The following TBC1D32 variants were observed in gnomAD, a reference collection of about 807,000 sequenced individuals.
The protein encoded by TBC1D32 is protein broad-minded.
In TBC1D32, 151 loss-of-function variants were observed where a neutral mutation model predicts 170.3. The observed-to-expected ratio is 0.89, with a 90% CI of 0.78 to 1.01. TBC1D32 has a LOEUF of 1.01. TBC1D32 is among the 50% of genes least tolerant of loss of function. The pLI, the probability that TBC1D32 is intolerant of heterozygous loss-of-function variation, is 0.00. For synonymous variants in TBC1D32, 498 were observed against 488.0 expected (o/e 1.02, Z -0.27); for missense variants, 1,464 against 1,457.1 (o/e 1.00, Z -0.08).
intron 20 of TBC1D32, among the ~76,000 whole-genome samples, chr6:121,234,000 G>A (rs1228612154): frequency 6.6e-6 from 1 of 152,086 alleles, no homozygotes; most frequent in Non-Finnish European, 1.5e-5. Flanking sequence ...AAAAATTCTG[G>A]CTGATACTGT....
At chr6:121,325,288 A>T (rs1324755716) in intron 1 of TBC1D32, among the ~76,000 whole-genome samples, 1 of 152,104 alleles carries the variant, frequency 6.6e-6, no homozygotes, top group Non-Finnish European at 1.5e-5. Flanking sequence ...ATCAAGAATC[A>T]GAACATCTGA....
In TBC1D32 at chr6:121,279,172, T is replaced by A. The variant is rs1441489489; in HGVS notation, c.1682A>T (p.Glu561Val). The A allele has an allele frequency of 1.9e-6, 3 of 1,611,738 alleles. No individual in the cohort carries two copies. Among genetic ancestry groups the A allele is most frequent in the Non-Finnish European group, 2.5e-6 (3 of 1,178,970 alleles). ...GILARIASVE[E>V]GLILLLYGAN... is the part of the protein sequence containing the mutation. ...TCCATAAAGGAGTAAAATAAGCCCT[T>A]CTTCTACAGATGCAATTCTTGCCAA... The change falls in exon 15 of 32, where the codon GAA (glutamate) becomes GTA (valine). Residue 561 changes from glutamate to valine, a missense_variant. Physicochemically the swap from Glu to Val is moderately radical, Grantham distance 121 (BLOSUM62 -2). Around this residue, in one of 3 missense-constraint regions of TBC1D32, gnomAD observed 1,363 missense variants for 1,338.1 expected, o/e 1.02. Transcript: ENST00000398212.
At chr6:121,315,973 A>G (rs770624650) in intron 3 of TBC1D32, among the ~76,000 whole-genome samples, 3 of 152,148 alleles carry the variant, frequency 2.0e-5, no homozygotes, top group Non-Finnish European at 4.4e-5. Flanking sequence ...AAGCAAAGTC[A>G]TATTTACAGG....
chr6:121,198,246 T>TAAATATATATTA (rs1554265802), intron 22 of TBC1D32, among the ~76,000 whole-genome samples: 4 of 118,942 alleles, frequency 3.4e-5, no homozygotes, highest in African/African-American at 1.2e-4. Flanking sequence ...AATATATATA[T>TAAATATATATTA]TATATATATA....
intron 15 of TBC1D32, among the ~76,000 whole-genome samples, chr6:121,268,706 A>C (rs1800899149): frequency 6.6e-6 from 1 of 152,098 alleles, no homozygotes; most frequent in East Asian, 1.9e-4. Context: ...TATCCAGGAG[A>C]ACTTCCCCAA....
At chr6:121,288,635 C>T (rs889984542) in intron 12 of TBC1D32, among the ~76,000 whole-genome samples, 7 of 152,178 alleles carry the variant, frequency 4.6e-5, no homozygotes, top group African/African-American at 1.7e-4. Flanking sequence ...AAGAGGGAAT[C>T]CTCTCTAACT....
chr6:121,313,512 C>T (rs1484325382), intron 3 of TBC1D32, among the ~76,000 whole-genome samples: 2 of 152,014 alleles, frequency 1.3e-5, no homozygotes, highest in Admixed American at 6.6e-5. Flanking sequence ...TCTGCCCCTA[C>T]ACATTCCTCT....
intron 24 of TBC1D32, among the ~76,000 whole-genome samples, chr6:121,155,099 C>T (rs1413412308): frequency 6.6e-6 from 1 of 152,074 alleles, no homozygotes; most frequent in Non-Finnish European, 1.5e-5. Flanking sequence ...GGAAGTATGG[C>T]CATTTTAACA....
At chr6:121,134,338 C>G (rs1781783293) in intron 24 of TBC1D32, among the ~76,000 whole-genome samples, 1 of 151,972 alleles carries the variant, frequency 6.6e-6, no homozygotes, top group African/African-American at 2.4e-5. Context: ...ACTCCTCCCT[C>G]CTCTTGCTCT....
At chr6:121,256,318 TTA>T in intron 15 of TBC1D32, 33 bp from the exon 16 acceptor site, 1 of 1,555,754 alleles carries the variant, frequency 6.4e-7, no homozygotes, top group South Asian at 1.2e-5. Context: ...GATTCCAAGG[TTA>T]TATTAATCTT....
chr6:121,268,051 T>A (rs1363140715), intron 15 of TBC1D32, among the ~76,000 whole-genome samples: 1 of 152,032 alleles, frequency 6.6e-6, no homozygotes, highest in African/African-American at 2.4e-5. Context: ...GGTCCTACTG[T>A]TAGAAGGAAA....
chr6:121,189,918 T>C (rs970925109), intron 22 of TBC1D32, among the ~76,000 whole-genome samples: 3 of 152,068 alleles, frequency 2.0e-5, no homozygotes, highest in African/African-American at 7.2e-5. Context: ...TATGGAATTA[T>C]GGACAAGATA....
chr6:121,086,120 G>T lies in TBC1D32; in HGVS notation c.3654+4733C>A, dbSNP rs139284832. Reference sequence around the variant, plus strand: ...AGAAATAAGAAGAATCTAGTAGAGGGATGTAGCAACTTAATAACCGCTAAG... The same window carrying T: ...AGAAATAAGAAGAATCTAGTAGAGGTATGTAGCAACTTAATAACCGCTAAG... On this transcript the variant is annotated intron_variant, in intron 31 of 31. Transcript: ENST00000398212. Among the ~76,000 whole-genome samples the T allele has an allele frequency of 7.4e-3, 1,123 of 152,130 alleles. 11 individuals are homozygous for T. Among genetic ancestry groups the T allele is most frequent in the Middle Eastern group, 0.014 (4 of 294 alleles).
chr6:121,154,623 G>T (rs933668198), intron 24 of TBC1D32, among the ~76,000 whole-genome samples: 1 of 152,086 alleles, frequency 6.6e-6, no homozygotes, highest in East Asian at 1.9e-4. Context: ...CACCCTTCTC[G>T]ACATAGGCTT....
Position 121,256,055 on chromosome 6 carries a change from G to C in TBC1D32, c.1935+29C>G, listed in dbSNP as rs761410588. The C allele has an allele frequency of 1.9e-6, 3 of 1,574,090 alleles. No homozygotes were observed. In the East Asian group the frequency reaches 6.7e-5, roughly 35 times the overall value. On this transcript the variant is annotated intron_variant, in intron 16 of 31. Coordinates refer to ENST00000398212, the MANE Select transcript of TBC1D32 (RefSeq NM_152730.6). ...TATATTTGAAATAAAGATTTGCAGG[G>C]AGAAAAAACGAAGCTTGAAAATACT...
chr6:121,183,477 A>C (rs1788799268), intron 22 of TBC1D32, among the ~76,000 whole-genome samples: 1 of 152,058 alleles, frequency 6.6e-6, no homozygotes, highest in African/African-American at 2.4e-5. Context: ...GCATTTGTAC[A>C]CTTGAGGTGA....
At chr6:121,208,741 A>AAAAAAAAAG (rs1202641429) in intron 21 of TBC1D32, among the ~76,000 whole-genome samples, 1 of 151,014 alleles carries the variant, frequency 6.6e-6, no homozygotes, top group Non-Finnish European at 1.5e-5. Flanking sequence ...AAAAAAAAAA[A>AAAAAAAAAG]AAAAAACAGA....
chr6:121,277,176 A>C (rs2128438742), intron 15 of TBC1D32, among the ~76,000 whole-genome samples: 1 of 152,296 alleles, frequency 6.6e-6, no homozygotes, highest in Non-Finnish European at 1.5e-5. Context: ...AAATTATATA[A>C]AGTGTGCTGT....
intron 24 of TBC1D32, among the ~76,000 whole-genome samples, chr6:121,150,944 C>A (rs1399851017): frequency 6.6e-6 from 1 of 151,792 alleles, no homozygotes; most frequent in Non-Finnish European, 1.5e-5. Context: ...TTAATCTTTT[C>A]AAAAAACCAA....
Sources: allele counts gnomAD v4.1 joint callset (sites outside exome capture counted in the v4.1 genomes callset), GRCh38; gene constraint gnomAD v4.1.1; regional missense constraint gnomAD v4.1.1; transcripts MANE v1.5; gene names NCBI Gene and HGNC (gene_info 2026-07-23, HGNC 2026-07-21).